NPIPA1: variants seen among roughly 807,000 people sequenced by gnomAD.
NPIPA1 encodes nuclear pore complex-interacting protein family member A1.
For synonymous variants in NPIPA1, 7 were observed against 88.0 expected, an observed-to-expected ratio of 0.08 and a Z score of 5.15; for missense variants, 22 against 232.2, an observed-to-expected ratio of 0.09 and a Z score of 5.88.
At chr16:14,938,564 T>C (rs1965679924) in intron 1 of NPIPA1, among the ~76,000 whole-genome samples, 1 of 135,520 alleles carries the variant, frequency 7.4e-6, no homozygotes, top group Non-Finnish European at 1.6e-5. Context: ...TAGTCGGGCC[T>C]GGTGGTGCGT....
intron 1 of NPIPA1, among the ~76,000 whole-genome samples, chr16:14,938,714 AT>A (rs1965684168): frequency 6.6e-6 from 1 of 150,720 alleles, no homozygotes; most frequent in African/African-American, 2.4e-5. Context: ...GTGAAATGTC[AT>A]TTGATTTGTG....
At chr16:14,946,682 C>T (rs1159774084) in intron 4 of NPIPA1, among the ~76,000 whole-genome samples, 16 of 138,084 alleles carry the variant, frequency 1.2e-4, no homozygotes, top group Non-Finnish European at 1.7e-4. Flanking sequence ...CCACCACATT[C>T]GGCCAATTTT....
At chr16:14,944,907 A>ATTTTTTT (rs71270869) in intron 2 of NPIPA1, among the ~76,000 whole-genome samples, 1 of 123,122 alleles carries the variant, frequency 8.1e-6, no homozygotes, top group Non-Finnish European at 1.7e-5. Flanking sequence ...CCTGGCCTAT[A>ATTTTTTT]TTTTTTTTTT....
chr16:14,945,268 GAGAC>G (rs1965859044), intron 2 of NPIPA1, among the ~76,000 whole-genome samples: 1 of 76,084 alleles, frequency 1.3e-5, no homozygotes, highest in Admixed American at 1.3e-4. Flanking sequence ...GTGTGTGTGT[GAGAC>G]AGAGTCTCAT....
intron 2 of NPIPA1, among the ~76,000 whole-genome samples, chr16:14,945,353 G>C: frequency 6.9e-6 from 1 of 145,314 alleles, no homozygotes; most frequent in South Asian, 2.4e-4. Flanking sequence ...AGCTTCAAAC[G>C]GTTCTCTGCC....
chr16:14,939,238 GA>G (rs1965697510), intron 1 of NPIPA1, among the ~76,000 whole-genome samples: 1 of 33,570 alleles, frequency 3.0e-5, no homozygotes, highest in Non-Finnish European at 5.3e-5. Context: ...TCAGCCTCCC[GA>G]GTGGCTGGGA....
intron 2 of NPIPA1, among the ~76,000 whole-genome samples, chr16:14,944,870 C>G: frequency 6.6e-6 from 1 of 150,752 alleles, no homozygotes; most frequent in East Asian, 2.0e-4. Context: ...TCCCAAAGTG[C>G]TGGGATTACA....
intron 2 of NPIPA1, among the ~76,000 whole-genome samples, chr16:14,943,098 G>A (rs1965791053): frequency 5.3e-5 from 8 of 151,706 alleles, no homozygotes; most frequent in Admixed American, 5.2e-4. Context: ...CATTCTCTAT[G>A]CCACTTAGTC....
intron 2 of NPIPA1, among the ~76,000 whole-genome samples, chr16:14,945,250 G>T (rs1965857795): frequency 6.7e-6 from 1 of 148,218 alleles, no homozygotes. Flanking sequence ...GTGTGTGTGT[G>T]TGTGTGTGTG....
chr16:14,947,989 C>T (rs1358919743), intron 4 of NPIPA1, among the ~76,000 whole-genome samples: 5 of 152,358 alleles, frequency 3.3e-5, no homozygotes, highest in African/African-American at 1.2e-4. Flanking sequence ...CTGAAGGATG[C>T]CCTGTGGTCA....
At chr16:14,945,267 T>TGTGTGAGA (rs1349396254) in intron 2 of NPIPA1, among the ~76,000 whole-genome samples, 13 of 132,170 alleles carry the variant, frequency 9.8e-5, no homozygotes, top group Admixed American at 3.8e-4. Context: ...TGTGTGTGTG[T>TGTGTGAGA]GAGACAGAGT....
At chr16:14,942,859 G>T (rs1239023190) in intron 2 of NPIPA1, among the ~76,000 whole-genome samples, 1 of 152,272 alleles carries the variant, frequency 6.6e-6, no homozygotes, top group African/African-American at 2.4e-5. Flanking sequence ...TCTACATTTT[G>T]TCTTGCCATT....
chr16:14,937,974 T>G (rs1315498274), intron 1 of NPIPA1, among the ~76,000 whole-genome samples: 5 of 146,492 alleles, frequency 3.4e-5, no homozygotes, highest in South Asian at 2.3e-4. Flanking sequence ...GCTTGAGAAC[T>G]TAATTTGAAC....
chr16:14,947,368 C>G (rs1965916665), intron 4 of NPIPA1, among the ~76,000 whole-genome samples: 1 of 151,882 alleles, frequency 6.6e-6, no homozygotes, highest in East Asian at 1.9e-4. Flanking sequence ...TCTGCAGGCT[C>G]AGTCCCTACA....
In NPIPA1 at chr16:14,942,798, G is replaced by C. The variant is rs1309574315; in HGVS notation, c.192+858G>C. 2.6e-5 allele frequency among the ~76,000 whole-genome samples: 4 copies of C among 152,268 alleles called. No individual in the cohort carries two copies. The East Asian group carries it at 7.7e-4, about 29-fold the overall frequency. On this transcript the variant is annotated intron_variant, in intron 2 of 7. Transcript: ENST00000328085. Reference sequence around the variant, plus strand: ...TACTTGGTAAGAATTTGGCTGCTAAGTTGTGGCATAATTTGTCTTTTGAGC... The same window carrying C: ...TACTTGGTAAGAATTTGGCTGCTAACTTGTGGCATAATTTGTCTTTTGAGC...
At chr16:14,938,239 T>G (rs1188152991) in intron 1 of NPIPA1, 1 of 1,449,226 alleles carries the variant, frequency 6.9e-7, no homozygotes, top group Non-Finnish European at 9.1e-7. Context: ...GCTGCTCTTT[T>G]GGCTCCTCTT....
At chr16:14,945,232 G>A (rs1435259880) in intron 2 of NPIPA1, among the ~76,000 whole-genome samples, 1 of 141,092 alleles carries the variant, frequency 7.1e-6, no homozygotes, top group Non-Finnish European at 1.5e-5. Flanking sequence ...TGTGTGGTGT[G>A]TGTGTGTGTG....
chr16:14,938,667 A>G (rs1965682767), intron 1 of NPIPA1, among the ~76,000 whole-genome samples: 1 of 144,382 alleles, frequency 6.9e-6, no homozygotes, highest in Non-Finnish European at 1.5e-5. Flanking sequence ...GCCCCGCTGC[A>G]CTCTTGTCTC....
chr16:14,938,790 G>A (rs1206391052), intron 1 of NPIPA1, among the ~76,000 whole-genome samples: 2 of 151,966 alleles, frequency 1.3e-5, no homozygotes, highest in African/African-American at 4.8e-5. Flanking sequence ...CCAGGCTGGA[G>A]TGCAGTGGCA....
Sources: allele counts gnomAD v4.1 joint callset (sites outside exome capture counted in the v4.1 genomes callset), GRCh38; gene constraint gnomAD v4.1.1; transcripts MANE v1.5; gene names NCBI Gene and HGNC (gene_info 2026-07-23, HGNC 2026-07-21).